The following MBD5 variants were observed in gnomAD, a reference collection of about 807,000 sequenced individuals.
MBD5 encodes methyl-CpG binding domain protein 5.
MBD5 carries 13 observed loss-of-function variants against 117.3 expected under a neutral mutation model. That is an observed-to-expected ratio of 0.11 (90% confidence interval 0.07 to 0.18). The LOEUF (loss-of-function observed/expected upper bound fraction) is 0.18, where lower values mean the gene tolerates loss of function less well. Among genes scored for constraint, MBD5 ranks in the 10% least tolerant of loss-of-function variants. MBD5 has a pLI of 1.00. For missense variants in MBD5, 1,879 were observed against 2,093.8 expected (o/e 0.90, Z 2.00); for synonymous variants, 727 against 766.4 (o/e 0.95, Z 0.85).
intron 1 of MBD5, among the ~76,000 whole-genome samples, chr2:148,125,050 G>A (rs1441881508): frequency 1.3e-5 from 2 of 151,570 alleles, no homozygotes; most frequent in African/African-American, 4.8e-5. Context: ...TTAAACGTAA[G>A]ATTTAATTAT....
intron 1 of MBD5, among the ~76,000 whole-genome samples, chr2:148,148,530 G>A (rs958350425): frequency 1.3e-5 from 2 of 152,204 alleles, no homozygotes; most frequent in Non-Finnish European, 2.9e-5. Context: ...GTTTGCCAGT[G>A]TTATTACCTC....
In MBD5 at chr2:148,469,237, A is replaced by G. The variant is rs1189553845; in HGVS notation, c.1294A>G (p.Thr432Ala). 6 of 1,613,746 alleles carry G rather than the reference A, an allele frequency of 3.7e-6. No homozygotes were observed. Among genetic ancestry groups the G allele is most frequent in the East Asian group, 2.2e-5 (1 of 44,868 alleles). Residue 432 changes from threonine (T) to alanine (A), a missense_variant, in exon 8 of 14, where the codon ACC becomes GCC. Thr to Ala is a moderately conservative substitution (Grantham distance 58). Around this residue, in one of 4 missense-constraint regions of MBD5, gnomAD observed 1,666 missense variants for 1,792.2 expected, o/e 0.93. Coordinates refer to ENST00000642680, the MANE Select transcript of MBD5 (RefSeq NM_001378120.1). Reference sequence around the variant, plus strand: ...ACAAAGAGTTCAGCATTCAGCTTCAACCTCCCTGTCCCCTTCTCCAGTGAC... The same window carrying G: ...ACAAAGAGTTCAGCATTCAGCTTCAGCCTCCCTGTCCCCTTCTCCAGTGAC... ...HVQRVQHSAS[T>A]SLSPSPVTSP...
intron 2 of MBD5, among the ~76,000 whole-genome samples, chr2:148,201,806 T>G (rs890291853): frequency 6.6e-6 from 1 of 152,146 alleles, no homozygotes; most frequent in Non-Finnish European, 1.5e-5. Flanking sequence ...TTTTATGGGC[T>G]CAGACTGGGG....
intron 13 of MBD5, chr2:148,512,230 G>GCTAGTTC (rs1275755444): frequency 6.2e-6 from 1 of 161,976 alleles, no homozygotes; most frequent in Non-Finnish European, 1.4e-5. Flanking sequence ...ACTAAATGTT[G>GCTAGTTC]CTAGTTCCTG....
At chr2:148,148,967 T>G (rs928114815) in intron 1 of MBD5, among the ~76,000 whole-genome samples, 1 of 152,184 alleles carries the variant, frequency 6.6e-6, no homozygotes, top group Non-Finnish European at 1.5e-5. Flanking sequence ...ACTTTAAGTT[T>G]TACGGTACAT....
chr2:148,051,312 T>C (rs917421878), intron 1 of MBD5, among the ~76,000 whole-genome samples: 4 of 126,204 alleles, frequency 3.2e-5, no homozygotes, highest in Admixed American at 8.4e-5. Context: ...TAAAATATTT[T>C]AGTGGATTCT....
chr2:148,490,044 C>G lies in MBD5; in HGVS notation c.4412C>G (p.Pro1471Arg), dbSNP rs757316098. 1.2e-6 allele frequency: 2 copies of G among 1,613,964 alleles called. No homozygotes were observed. Among genetic ancestry groups the G allele is most frequent in the South Asian group, 2.2e-5 (2 of 91,046 alleles). ...HERPNNVSTL[P>R]FLPGEQHPIL... ...AGGCCCAACAATGTCTCTACACTGC[C>G]ATTTCTGCCTGGGGAACAGCACCCA... Residue 1471 changes from proline (P) to arginine (R), a missense_variant, in exon 11 of 14, where the codon CCA becomes CGA. Around this residue, in one of 4 missense-constraint regions of MBD5, gnomAD observed 1,666 missense variants for 1,792.2 expected, o/e 0.93. Transcript: ENST00000642680.
intron 3 of MBD5, among the ~76,000 whole-genome samples, chr2:148,294,501 G>GTTTTTTTTTTTTTGTTTTT (rs761709621): frequency 2.6e-5 from 3 of 113,248 alleles, no homozygotes; most frequent in African/African-American, 3.7e-5. Flanking sequence ...TGGGATTACA[G>GTTTTTTTTTTTTTGTTTTT]TTTTTTTTTT....
chr2:148,128,967 T>C (rs1224769523), intron 1 of MBD5, among the ~76,000 whole-genome samples: 2 of 152,206 alleles, frequency 1.3e-5, no homozygotes, highest in East Asian at 3.9e-4. Flanking sequence ...TGCAAAGATC[T>C]AGTGCAAAGG....
intron 2 of MBD5, among the ~76,000 whole-genome samples, chr2:148,208,931 T>C (rs1699351509): frequency 6.6e-6 from 1 of 152,182 alleles, no homozygotes; most frequent in Non-Finnish European, 1.5e-5. Flanking sequence ...ATTTTAATTG[T>C]CTCTAGTTAT....
chr2:148,445,823 C>T (rs1393578286), intron 4 of MBD5, among the ~76,000 whole-genome samples: 1 of 151,328 alleles, frequency 6.6e-6, no homozygotes, highest in Non-Finnish European at 1.5e-5. Context: ...TAATGGTCGC[C>T]ATTCTAACTG....
At chr2:148,176,162 C>T (rs567842541) in intron 1 of MBD5, among the ~76,000 whole-genome samples, 1 of 151,958 alleles carries the variant, frequency 6.6e-6, no homozygotes, top group Non-Finnish European at 1.5e-5. Flanking sequence ...AAAAAGAATA[C>T]TTTATTAAGA....
chr2:148,227,396 T>A (rs1296392292), intron 2 of MBD5, among the ~76,000 whole-genome samples: 1 of 152,234 alleles, frequency 6.6e-6, no homozygotes, highest in Non-Finnish European at 1.5e-5. Flanking sequence ...CTTGTTTTTC[T>A]CAGGTTTGTC....
chr2:148,285,872 A>C (rs1701357147), intron 3 of MBD5, among the ~76,000 whole-genome samples: 1 of 152,130 alleles, frequency 6.6e-6, no homozygotes, highest in Admixed American at 6.5e-5. Context: ...AATTCATTAC[A>C]TTTTATATAC....
chr2:148,383,063 A>G (rs1381421756), intron 4 of MBD5, among the ~76,000 whole-genome samples: 1 of 152,134 alleles, frequency 6.6e-6, no homozygotes, highest in East Asian at 1.9e-4. Flanking sequence ...AGCAAGAGCA[A>G]ACACATTCAA....
chr2:148,174,843 T>C (rs994119203), intron 1 of MBD5, among the ~76,000 whole-genome samples: 10 of 152,042 alleles, frequency 6.6e-5, no homozygotes, highest in Non-Finnish European at 1.5e-4. Context: ...AGGAAAACTT[T>C]GTACACTGTT....
In MBD5 at chr2:148,124,889, T is replaced by C. The variant is rs537369457; in HGVS notation, c.-924-53811T>C. 3.2e-4 allele frequency among the ~76,000 whole-genome samples: 49 copies of C among 151,470 alleles called. No individual in the cohort carries two copies. The South Asian group carries it at 6.2e-3, about 19-fold the overall frequency. ...TAGTTATACATAAAGAATAAAAATA[T>C]ATGTACATATATTTATAATGTATCA... On this transcript the variant is annotated intron_variant, in intron 1 of 13. Transcript: ENST00000642680.
rs1205220256 is a variant in MBD5, at chr2:148,481,022, A to AG, written c.2519-2088_2519-2087insG. On this transcript the variant is annotated intron_variant, in intron 8 of 13. Transcript: ENST00000642680. ...GACTACTAATGTCAATAATGATGAT[A>AG]ACTCCTTTTATTTTTATAGACTTTT... Among the ~76,000 whole-genome samples the AG allele has an allele frequency of 1.9e-3, 292 of 152,230 alleles. 1 individual carries two copies. The highest frequency in any genetic ancestry group is 6.8e-3 in the African/African-American group (283 of 41,560).
intron 1 of MBD5, among the ~76,000 whole-genome samples, chr2:148,040,617 C>G (rs1483985392): frequency 6.6e-6 from 1 of 152,064 alleles, no homozygotes; most frequent in Non-Finnish European, 1.5e-5. Flanking sequence ...AACATTATTT[C>G]TGTTATATTT....
Sources: allele counts gnomAD v4.1 joint callset (sites outside exome capture counted in the v4.1 genomes callset), GRCh38; gene constraint gnomAD v4.1.1; regional missense constraint gnomAD v4.1.1; transcripts MANE v1.5; gene names NCBI Gene and HGNC (gene_info 2026-07-23, HGNC 2026-07-21).